PTPRK: variants seen among roughly 807,000 people sequenced by gnomAD.
PTPRK encodes the protein protein tyrosine phosphatase receptor type K.
A neutral mutation model predicts 178.0 loss-of-function variants in PTPRK; 75 were observed. The ratio of observed to expected loss-of-function variants is 0.42; its 90% CI spans 0.35 to 0.51. The LOEUF is 0.51. Ranked by LOEUF, PTPRK falls within the 20% of genes least tolerant of loss-of-function variation. The probability of loss-of-function intolerance (pLI) is 0.02; values close to 1 mark genes in which losing one functional copy is unlikely to be tolerated. For missense variants in PTPRK, 1,441 were observed against 1,797.8 expected, an observed-to-expected ratio of 0.80 and a Z score of 3.59; for synonymous variants, 637 against 620.6, an observed-to-expected ratio of 1.03 and a Z score of -0.39.
At chr6:128,181,148 T>C (rs1801849971) in intron 7 of PTPRK, among the ~76,000 whole-genome samples, 1 of 152,068 alleles carries the variant, frequency 6.6e-6, no homozygotes, top group Non-Finnish European at 1.5e-5. Context: ...ACATTTACAT[T>C]TGAAAATGTA....
intron 13 of PTPRK, among the ~76,000 whole-genome samples, chr6:128,041,812 A>T (rs751379531): frequency 3.3e-5 from 5 of 150,358 alleles, no homozygotes; most frequent in Non-Finnish European, 7.4e-5. Flanking sequence ...CTATAGTTTT[A>T]TAAAAGTGTA....
chr6:128,249,594 G>T (rs571453772), intron 3 of PTPRK, among the ~76,000 whole-genome samples: 10 of 152,230 alleles, frequency 6.6e-5, no homozygotes, highest in African/African-American at 2.2e-4. Context: ...TAGAACAGTT[G>T]TGAGATATTA....
intron 3 of PTPRK, among the ~76,000 whole-genome samples, chr6:128,261,591 A>G (rs1289259254): frequency 6.6e-6 from 1 of 152,158 alleles, no homozygotes; most frequent in African/African-American, 2.4e-5. Context: ...GTCCAGCAAA[A>G]TTGTCTGCCA....
At chr6:127,986,010 T>A (rs1562384890) in intron 21 of PTPRK, 135 bp from the exon 22 acceptor site, 5 of 611,134 alleles carry the variant, frequency 8.2e-6, no homozygotes, top group Non-Finnish European at 2.5e-6. Context: ...TGCCTTTTCT[T>A]AAAAAAAAAA....
chr6:128,496,772 T>C (rs1015679541), intron 1 of PTPRK, among the ~76,000 whole-genome samples: 1 of 152,230 alleles, frequency 6.6e-6, no homozygotes, highest in African/African-American at 2.4e-5. Flanking sequence ...GCAAAAGTGT[T>C]ACACAAGGTA....
chr6:128,163,972 A>T (rs909604566), intron 7 of PTPRK, among the ~76,000 whole-genome samples: 6 of 151,420 alleles, frequency 4.0e-5, no homozygotes, highest in African/African-American at 1.4e-4. Context: ...CTATGGCCTA[A>T]ATACAATTCA....
At chr6:128,514,671 A>G (rs1857684583) in intron 1 of PTPRK, among the ~76,000 whole-genome samples, 1 of 152,182 alleles carries the variant, frequency 6.6e-6, no homozygotes, top group African/African-American at 2.4e-5. Flanking sequence ...GTAAGTGACA[A>G]AATAAGCCAC....
chr6:128,092,177 A>T (rs1787085199), intron 7 of PTPRK, among the ~76,000 whole-genome samples: 2 of 152,212 alleles, frequency 1.3e-5, no homozygotes, highest in African/African-American at 4.8e-5. Context: ...AAAAACAAAG[A>T]GTTGTGGAAA....
chr6:127,989,739 A>C (rs1220372107), intron 21 of PTPRK, among the ~76,000 whole-genome samples: 1 of 152,098 alleles, frequency 6.6e-6, no homozygotes, highest in Non-Finnish European at 1.5e-5. Context: ...TTGGAAGGAC[A>C]AAATGGTATA....
chr6:128,199,368 T>C (rs568912992), intron 6 of PTPRK, among the ~76,000 whole-genome samples: 1 of 152,118 alleles, frequency 6.6e-6, no homozygotes, highest in Non-Finnish European at 1.5e-5. Flanking sequence ...GTATAAACTA[T>C]TCATATGTAA....
At chr6:128,026,881 C>A (rs551043430) in intron 13 of PTPRK, among the ~76,000 whole-genome samples, 20 of 152,202 alleles carry the variant, frequency 1.3e-4, no homozygotes, top group Middle Eastern at 3.4e-3. Context: ...TTACTAAATC[C>A]ATTTGCTGTG....
intron 7 of PTPRK, among the ~76,000 whole-genome samples, chr6:128,091,568 T>G (rs530220613): frequency 4.6e-5 from 7 of 152,340 alleles, no homozygotes; most frequent in African/African-American, 1.7e-4. Flanking sequence ...TTCAGCCATA[T>G]CTTGTTCTAA....
chr6:128,229,608 C>T (rs956287865), intron 5 of PTPRK, among the ~76,000 whole-genome samples: 3 of 152,014 alleles, frequency 2.0e-5, no homozygotes, highest in Non-Finnish European at 2.9e-5. Context: ...CTCACAGTAC[C>T]AGGTAGCAAG....
At chr6:128,283,749 A>T (rs1822046115) in intron 3 of PTPRK, among the ~76,000 whole-genome samples, 1 of 152,196 alleles carries the variant, frequency 6.6e-6, no homozygotes. Context: ...CCTTGAAAGG[A>T]GCCACAAAGC....
chr6:128,152,184 T>C (rs1385190547), intron 7 of PTPRK, among the ~76,000 whole-genome samples: 1 of 151,992 alleles, frequency 6.6e-6, no homozygotes, highest in Non-Finnish European at 1.5e-5. Flanking sequence ...ATGCCGTTGA[T>C]TTTTCTCACT....
At chr6:128,069,868 T>C (rs1351109668) in intron 11 of PTPRK, among the ~76,000 whole-genome samples, 2 of 152,068 alleles carry the variant, frequency 1.3e-5, no homozygotes, top group Non-Finnish European at 2.9e-5. Flanking sequence ...ATTGCCAGTG[T>C]TGGAGAAGAG....
chr6:128,273,695 G>A (rs1206570497), intron 3 of PTPRK, among the ~76,000 whole-genome samples: 1 of 152,182 alleles, frequency 6.6e-6, no homozygotes, highest in East Asian at 1.9e-4. Flanking sequence ...ATTCAGGAAT[G>A]AAATGTCTAG....
intron 1 of PTPRK, among the ~76,000 whole-genome samples, chr6:128,508,091 C>T (rs17461290): frequency 0.12 from 18,546 of 152,162 alleles, 1,612 homozygotes; most frequent in Non-Finnish European, 0.18. Flanking sequence ...AGCTTTGACA[C>T]TTGCCACATC....
At chr6:128,298,200 A>G (rs1397068845) in intron 3 of PTPRK, among the ~76,000 whole-genome samples, 1 of 152,232 alleles carries the variant, frequency 6.6e-6, no homozygotes, top group Non-Finnish European at 1.5e-5. Context: ...CTCTCTGAAT[A>G]GACCAATAAC....
Sources: allele counts gnomAD v4.1 joint callset (sites outside exome capture counted in the v4.1 genomes callset), GRCh38; gene constraint gnomAD v4.1.1; transcripts MANE v1.5; gene names NCBI Gene and HGNC (gene_info 2026-07-23, HGNC 2026-07-21).